Variants in CDH1 observed in about 807,000 individuals in gnomAD.
The protein encoded by CDH1 is cadherin-1.
A neutral mutation model predicts 84.5 loss-of-function variants in CDH1; 35 were observed. That is an observed-to-expected ratio of 0.41 (90% CI 0.32 to 0.55). The LOEUF is 0.55. Among genes scored for constraint, CDH1 ranks in the 20% least tolerant of loss-of-function variants. CDH1 has a pLI of 0.19. For synonymous variants in CDH1, 417 were observed against 439.0 expected (o/e 0.95, Z 0.63); for missense variants, 994 against 1,126.6 (o/e 0.88, Z 1.68).
chr16:68,790,084 A>G (rs12599562), intron 2 of CDH1, among the ~76,000 whole-genome samples: 1 of 152,278 alleles, frequency 6.6e-6, no homozygotes, highest in East Asian at 1.9e-4. Flanking sequence ...CAAAAAACCC[A>G]GGAAAGTCTC....
chr16:68,804,200 A>G (rs911876683), intron 3 of CDH1, among the ~76,000 whole-genome samples: 2 of 122,388 alleles, frequency 1.6e-5, no homozygotes, highest in Admixed American at 2.3e-4. Flanking sequence ...TGCAAGCTCC[A>G]CCTCCCGGAT....
At chr16:68,758,971 A>G (rs746015827) in intron 2 of CDH1, among the ~76,000 whole-genome samples, 11 of 151,630 alleles carry the variant, frequency 7.3e-5, no homozygotes, top group Middle Eastern at 6.8e-3. Flanking sequence ...AATTTTTTCT[A>G]TTTTTAGAGA....
At chr16:68,738,482 C>A in intron 2 of CDH1, 71 bp downstream of exon 2, 2 of 1,059,448 alleles carry the variant, frequency 1.9e-6, no homozygotes, top group Non-Finnish European at 2.8e-6. Flanking sequence ...AATTGCACTC[C>A]CACACCCCTG....
In CDH1 at chr16:68,813,318, G is replaced by C. The variant is rs143727462; in HGVS notation, c.1143G>C (p.Lys381Asn). 25 of 1,614,158 alleles carry C rather than the reference G, an allele frequency of 1.5e-5. No homozygotes were observed. The African/African-American group carries it at 3.3e-4, about 22-fold the overall frequency. Reference sequence around the variant, plus strand: ...CACATCTCTTTGCTCTGCAGTACAAGGGTCAGGTGCCTGAGAACGAGGCTA... The same window carrying C: ...CACATCTCTTTGCTCTGCAGTACAACGGTCAGGTGCCTGAGAACGAGGCTA... ...NPPIFNPTTYKGQVPENEANV... is the reference protein window; with the variant it reads ...NPPIFNPTTYNGQVPENEANV... The change falls in exon 9 of 16, where the codon AAG becomes AAC. Residue 381 changes from lysine to asparagine, a missense_variant. By Grantham distance (94) the Lys-to-Asn change is moderately conservative. Transcript: ENST00000261769.
chr16:68,771,097 TGC>T (rs1238537507), intron 2 of CDH1: 2 of 152,148 alleles, frequency 1.3e-5, no homozygotes, highest in Non-Finnish European at 2.9e-5. Flanking sequence ...CACGGCTAAG[TGC>T]GGGCTGGTGT....
At chr16:68,751,930 T>A (rs987820447) in intron 2 of CDH1, among the ~76,000 whole-genome samples, 2 of 149,008 alleles carry the variant, frequency 1.3e-5, no homozygotes, top group Admixed American at 1.4e-4. Flanking sequence ...CCCTCACACC[T>A]GGCTAATTTT....
At chr16:68,790,156 T>G (rs1355668002) in intron 2 of CDH1, among the ~76,000 whole-genome samples, 1 of 152,210 alleles carries the variant, frequency 6.6e-6, no homozygotes, top group African/African-American at 2.4e-5. Flanking sequence ...GCATGCTTTA[T>G]TTCACCAGTC....
intron 9 of CDH1, chr16:68,814,578 C>G (rs965714674): frequency 6.6e-6 from 1 of 152,160 alleles, no homozygotes; most frequent in Non-Finnish European, 1.5e-5. Flanking sequence ...AGCTGTTACA[C>G]AGGATCCTGA....
chr16:68,754,437 T>C (rs1962970196), intron 2 of CDH1, among the ~76,000 whole-genome samples: 1 of 152,178 alleles, frequency 6.6e-6, no homozygotes, highest in African/African-American at 2.4e-5. Flanking sequence ...TATTTGTTGT[T>C]GTACTCTGTA....
At chr16:68,829,139 G>T (rs778886909) in intron 14 of CDH1, among the ~76,000 whole-genome samples, 1 of 152,186 alleles carries the variant, frequency 6.6e-6, no homozygotes, top group Non-Finnish European at 1.5e-5. Context: ...TCTGTAGGAT[G>T]GCTGGGGCTC....
At chr16:68,799,221 T>C (rs1447956572) in intron 2 of CDH1, among the ~76,000 whole-genome samples, 1 of 152,218 alleles carries the variant, frequency 6.6e-6, no homozygotes, top group African/African-American at 2.4e-5. Flanking sequence ...CTTCCCATCA[T>C]TTATTACGGC....
At chr16:68,784,592 G>A (rs776643962) in intron 2 of CDH1, among the ~76,000 whole-genome samples, 3 of 152,052 alleles carry the variant, frequency 2.0e-5, no homozygotes, top group Non-Finnish European at 2.9e-5. Context: ...GTGCACCCAT[G>A]ATTGGAGCAG....
At position 68,833,406 on chromosome 16, in the gene CDH1, G is replaced by A. The variant is rs760315494; in HGVS notation, c.2556G>A (p.Glu852=). The A allele has an allele frequency of 6.2e-7, 1 of 1,614,200 alleles. No individual in the cohort carries two copies. The highest frequency in any genetic ancestry group is 8.5e-7 in the Non-Finnish European group (1 of 1,180,032). ...AASLSSLNSS[E]SDKDQDYDYL... is the part of the protein sequence containing the mutation. ...GTCTGAGCTCCCTGAACTCCTCAGAGTCAGACAAAGACCAGGACTATGACT... is the reference window on the plus strand; with the variant it reads ...GTCTGAGCTCCCTGAACTCCTCAGAATCAGACAAAGACCAGGACTATGACT... The change falls in exon 16 of 16, where the codon GAG becomes GAA. Residue 852 remains glutamate, a synonymous_variant. Coordinates refer to ENST00000261769, the MANE Select transcript of CDH1 (RefSeq NM_004360.5).
rs375293887 is a variant in CDH1 at position 68,794,010 on chromosome 16, CTGT to C, written c.164-7650_164-7648del. Among the ~76,000 whole-genome samples the C allele has an allele frequency of 2.1e-3, 320 of 150,722 alleles. 1 individual carries two copies. Among genetic ancestry groups the C allele is most frequent in the African/African-American group, 5.8e-3 (239 of 41,072 alleles). On this transcript the variant is annotated intron_variant, in intron 2 of 15. Coordinates refer to ENST00000261769, the MANE Select transcript of CDH1 (RefSeq NM_004360.5). ...CTGCTCTATCTAATAAGGACATAGACTGTTGTTGTTGTCCATAGTTTTGTTTTT... is the reference window on the plus strand; with the variant it reads ...CTGCTCTATCTAATAAGGACATAGACTGTTGTTGTCCATAGTTTTGTTTTT...
At chr16:68,737,502 G>A (rs1230405146) in intron 1 of CDH1, 39 bp downstream of exon 1, 1 of 1,466,268 alleles carries the variant, frequency 6.8e-7, no homozygotes, top group Non-Finnish European at 9.0e-7. Flanking sequence ...ACGCATTCGG[G>A]CCGCAAGCTC....
chr16:68,832,140 G>C (rs554471385), intron 15 of CDH1, among the ~76,000 whole-genome samples: 5 of 152,050 alleles, frequency 3.3e-5, no homozygotes, highest in African/African-American at 1.2e-4. Context: ...CTTAAGGGAG[G>C]AGAGAGAGAG....
At chr16:68,740,147 T>C (rs762057329) in intron 2 of CDH1, among the ~76,000 whole-genome samples, 3 of 152,076 alleles carry the variant, frequency 2.0e-5, no homozygotes, top group Non-Finnish European at 4.4e-5. Context: ...TTTTACTTGA[T>C]TGGGTATCAC....
rs587780537 is a variant in CDH1 at position 68,810,224 on chromosome 16, G to A, written c.715G>A (p.Gly239Arg). The part of the protein sequence containing the change: ...TLFSHAVSSN[G>R]NAVEDPMEIL... ...CTTCTCTCACGCTGTGTCATCCAACGGGAATGCAGTTGAGGATCCAATGGA... is the reference window on the plus strand; with the variant it reads ...CTTCTCTCACGCTGTGTCATCCAACAGGAATGCAGTTGAGGATCCAATGGA... The change falls in exon 6 of 16, where the codon GGG becomes AGG. Residue 239 changes from glycine (G) to arginine (R), a missense_variant. Coordinates refer to ENST00000261769, the MANE Select transcript of CDH1 (RefSeq NM_004360.5). 2 of 1,614,142 alleles carry A rather than the reference G, an allele frequency of 1.2e-6. No individual in the cohort carries two copies. The highest frequency in any genetic ancestry group is 1.7e-6 in the Non-Finnish European group (2 of 1,180,004).
intron 2 of CDH1, among the ~76,000 whole-genome samples, chr16:68,779,677 T>G (rs1387358284): frequency 1.3e-5 from 2 of 152,134 alleles, no homozygotes; most frequent in Non-Finnish European, 2.9e-5. Context: ...GCCAACATGA[T>G]GAAACCTCGT....
Sources: allele counts gnomAD v4.1 joint callset (sites outside exome capture counted in the v4.1 genomes callset), GRCh38; gene constraint gnomAD v4.1.1; transcripts MANE v1.5; gene names NCBI Gene and HGNC (gene_info 2026-07-23, HGNC 2026-07-21).